The following ATRNL1 variants were observed in gnomAD, a reference collection of about 807,000 sequenced individuals.
ATRNL1 encodes the protein attractin-like protein 1.
Under a neutral mutation model 182.7 loss-of-function variants are expected in ATRNL1, and 95 were observed. That is an observed-to-expected ratio of 0.52 (90% CI 0.44 to 0.62). The LOEUF (loss-of-function observed/expected upper bound fraction) is 0.62. Ranked by LOEUF, ATRNL1 falls within the 20% of genes least tolerant of loss-of-function variation. ATRNL1 has a pLI of 0.00. For synonymous variants in ATRNL1, 576 were observed against 568.3 expected (o/e 1.01, Z -0.19); for missense variants, 1,471 against 1,679.5 (o/e 0.88, Z 2.17).
At chr10:115,848,758 A>G (rs1334836336) in intron 28 of ATRNL1, among the ~76,000 whole-genome samples, 1 of 152,104 alleles carries the variant, frequency 6.6e-6, no homozygotes, top group Non-Finnish European at 1.5e-5. Context: ...CATCTTTATA[A>G]TTTTGAATTT....
chr10:115,688,185 A>G (rs1172213699), intron 26 of ATRNL1, among the ~76,000 whole-genome samples: 8 of 152,064 alleles, frequency 5.3e-5, no homozygotes, highest in African/African-American at 1.9e-4. Context: ...CATTGTGTAT[A>G]TATATATTAC....
intron 26 of ATRNL1, among the ~76,000 whole-genome samples, chr10:115,583,047 G>T (rs1351853903): frequency 6.7e-6 from 1 of 149,560 alleles, no homozygotes. Context: ...TCAAAGATCA[G>T]ATAGTTGTAC....
At chr10:115,622,707 C>A (rs1321899362) in intron 26 of ATRNL1, among the ~76,000 whole-genome samples, 1 of 152,156 alleles carries the variant, frequency 6.6e-6, no homozygotes, top group Non-Finnish European at 1.5e-5. Context: ...GCAGGTGGAT[C>A]ACGAGGTCAG....
At chr10:115,395,153 G>C (rs908024150) in intron 20 of ATRNL1, among the ~76,000 whole-genome samples, 1 of 151,846 alleles carries the variant, frequency 6.6e-6, no homozygotes, top group Non-Finnish European at 1.5e-5. Context: ...AATTTGCTTA[G>C]GATAATGTAT....
intron 24 of ATRNL1, among the ~76,000 whole-genome samples, chr10:115,494,435 A>G (rs782703801): frequency 6.6e-6 from 1 of 152,130 alleles, no homozygotes; most frequent in African/African-American, 2.4e-5. Context: ...GAATGCTGCT[A>G]TTAATAGCTT....
At chr10:115,435,777 A>G (rs1334909959) in intron 21 of ATRNL1, among the ~76,000 whole-genome samples, 3 of 152,218 alleles carry the variant, frequency 2.0e-5, no homozygotes, top group Admixed American at 6.5e-5. Flanking sequence ...CTTACATAGT[A>G]TAAAATTATC....
intron 28 of ATRNL1, among the ~76,000 whole-genome samples, chr10:115,873,075 G>A (rs954940007): frequency 1.3e-5 from 2 of 151,756 alleles, no homozygotes; most frequent in African/African-American, 4.9e-5. Flanking sequence ...ATAGCCGTGC[G>A]ATAGCTGAGC....
chr10:115,601,811 A>T (rs1272961920), intron 26 of ATRNL1, among the ~76,000 whole-genome samples: 1 of 152,164 alleles, frequency 6.6e-6, no homozygotes, highest in Non-Finnish European at 1.5e-5. Flanking sequence ...ATTCCAGCAC[A>T]GTAATTTCTT....
intron 9 of ATRNL1, among the ~76,000 whole-genome samples, chr10:115,234,210 T>C (rs1456968901): frequency 1.3e-5 from 2 of 152,136 alleles, no homozygotes; most frequent in Non-Finnish European, 2.9e-5. Context: ...TGGTAAGATA[T>C]ATTTAAAGGA....
chr10:115,661,412 A>C (rs989914354), intron 26 of ATRNL1, among the ~76,000 whole-genome samples: 3 of 152,316 alleles, frequency 2.0e-5, no homozygotes, highest in African/African-American at 7.2e-5. Flanking sequence ...GATGCATGGG[A>C]GAAATGAGTT....
chr10:115,603,697 T>C (rs1411387379), intron 26 of ATRNL1, among the ~76,000 whole-genome samples: 1 of 152,212 alleles, frequency 6.6e-6, no homozygotes, highest in Admixed American at 6.5e-5. Flanking sequence ...AAGTGAAATT[T>C]TGAGATGAAA....
chr10:115,893,125 G>T (rs989140878), intron 28 of ATRNL1, among the ~76,000 whole-genome samples: 5 of 152,164 alleles, frequency 3.3e-5, no homozygotes, highest in African/African-American at 1.2e-4. Flanking sequence ...AGGAACCACT[G>T]CTGACAATGC....
intron 26 of ATRNL1, among the ~76,000 whole-genome samples, chr10:115,621,510 C>T (rs907244966): frequency 6.6e-6 from 1 of 151,972 alleles, no homozygotes; most frequent in East Asian, 1.9e-4. Flanking sequence ...TCATATTGCC[C>T]AGGCTGGTCT....
chr10:115,686,454 G>A (rs541166852), intron 26 of ATRNL1, among the ~76,000 whole-genome samples: 8 of 151,902 alleles, frequency 5.3e-5, no homozygotes, highest in Admixed American at 2.0e-4. Flanking sequence ...GAGAGGGTTT[G>A]GTAAGACCTG....
At chr10:115,526,266 A>G (rs1462957032) in intron 25 of ATRNL1, among the ~76,000 whole-genome samples, 1 of 152,074 alleles carries the variant, frequency 6.6e-6, no homozygotes, top group Non-Finnish European at 1.5e-5. Context: ...GCAACTCTAC[A>G]ACAATTAGAT....
intron 28 of ATRNL1, among the ~76,000 whole-genome samples, chr10:115,876,303 T>C (rs1555107220): frequency 6.6e-6 from 1 of 152,242 alleles, no homozygotes; most frequent in African/African-American, 2.4e-5. Flanking sequence ...CTCTTGGGGA[T>C]TGTGAAAGGC....
At chr10:115,658,950 A>G (rs1287185366) in intron 26 of ATRNL1, among the ~76,000 whole-genome samples, 1 of 152,208 alleles carries the variant, frequency 6.6e-6, no homozygotes, top group Non-Finnish European at 1.5e-5. Flanking sequence ...AAGGAGAAGA[A>G]TGAGAGCTGG....
rs10450385 is a variant in ATRNL1, at chr10:115,779,170, G to A, written c.3903+51815G>A. ...AAGAAGCTTCAGAAATTCAAGCTTA[G>A]CACCTGGGAGTTTGATGGTGCTTCT... On this transcript the variant is annotated intron_variant, in intron 27 of 28. Coordinates refer to ENST00000355044, the MANE Select transcript of ATRNL1 (RefSeq NM_207303.4). Among the ~76,000 whole-genome samples, 1,447 of 152,314 alleles carry A rather than the reference G, an allele frequency of 9.5e-3. 33 individuals carry two copies. Among genetic ancestry groups the A allele is most frequent in the African/African-American group, 0.033 (1,368 of 41,570 alleles).
At chr10:115,891,682 A>G (rs1952082604) in intron 28 of ATRNL1, among the ~76,000 whole-genome samples, 2 of 152,072 alleles carry the variant, frequency 1.3e-5, no homozygotes, top group South Asian at 4.1e-4. Context: ...CTTTTTGTAG[A>G]TAATTTGTAT....
Sources: allele counts gnomAD v4.1 joint callset (sites outside exome capture counted in the v4.1 genomes callset), GRCh38; gene constraint gnomAD v4.1.1; transcripts MANE v1.5; gene names NCBI Gene and HGNC (gene_info 2026-07-23, HGNC 2026-07-21).